The following GRIA2 variants were observed in gnomAD, a reference collection of about 807,000 sequenced individuals.
GRIA2 encodes the protein glutamate receptor 2.
Under a neutral mutation model 97.3 loss-of-function variants are expected in GRIA2, and 14 were observed. The ratio of observed to expected loss-of-function variants is 0.14; its 90% confidence interval spans 0.10 to 0.23. GRIA2 has a LOEUF of 0.23. Among genes scored for constraint, GRIA2 ranks in the 10% least tolerant of loss-of-function variants. GRIA2 has a pLI of 1.00. For missense variants in GRIA2, 558 were observed against 1,069.8 expected, an observed-to-expected ratio of 0.52 and a Z score of 6.67; for synonymous variants, 412 against 387.8, an observed-to-expected ratio of 1.06 and a Z score of -0.73.
intron 2 of GRIA2, among the ~76,000 whole-genome samples, chr4:157,267,814 T>G (rs1423917725): frequency 6.6e-6 from 1 of 152,104 alleles, no homozygotes; most frequent in Non-Finnish European, 1.5e-5. Flanking sequence ...GTTTCTGGAT[T>G]TCTTTGAAAT....
At chr4:157,332,007 C>T (rs1735069865) in intron 6 of GRIA2, among the ~76,000 whole-genome samples, 1 of 152,024 alleles carries the variant, frequency 6.6e-6, no homozygotes, top group Admixed American at 6.6e-5. Context: ...CAGAAATTTT[C>T]TCAACGTTCA....
intron 12 of GRIA2, among the ~76,000 whole-genome samples, chr4:157,354,802 T>A (rs1736174901): frequency 6.6e-6 from 1 of 152,150 alleles, no homozygotes; most frequent in African/African-American, 2.4e-5. Flanking sequence ...TATAGGATCT[T>A]TCTATAGGGA....
At chr4:157,355,839 A>G (rs1736267594) in intron 12 of GRIA2, among the ~76,000 whole-genome samples, 1 of 67,344 alleles carries the variant, frequency 1.5e-5, no homozygotes, top group South Asian at 8.0e-4. Flanking sequence ...ATATATTTTT[A>G]TATATTTATT....
chr4:157,233,111 C>G (rs1441741274), intron 2 of GRIA2, among the ~76,000 whole-genome samples: 1 of 152,184 alleles, frequency 6.6e-6, no homozygotes, highest in Non-Finnish European at 1.5e-5. Context: ...GCAGTTCTAA[C>G]TTTCTTGCTG....
At chr4:157,360,228 T>C (rs1415193337) in intron 13 of GRIA2, 85 bp downstream of exon 13, 11 of 1,381,238 alleles carry the variant, frequency 8.0e-6, no homozygotes, top group Non-Finnish European at 1.1e-5. Context: ...TCTTACGGTT[T>C]GTATACGGAT....
At chr4:157,338,817 A>G (rs1402577649) in intron 11 of GRIA2, among the ~76,000 whole-genome samples, 2 of 152,054 alleles carry the variant, frequency 1.3e-5, no homozygotes, top group African/African-American at 4.8e-5. Flanking sequence ...TACATTGGAA[A>G]AGTTAATGAT....
intron 2 of GRIA2, among the ~76,000 whole-genome samples, chr4:157,285,887 A>G (rs1732820137): frequency 6.6e-6 from 1 of 151,642 alleles, no homozygotes; most frequent in African/African-American, 2.4e-5. Context: ...GAGCATGTCT[A>G]CATTTATATT....
At chr4:157,245,848 C>T (rs979160255) in intron 2 of GRIA2, among the ~76,000 whole-genome samples, 1 of 152,082 alleles carries the variant, frequency 6.6e-6, no homozygotes, top group Non-Finnish European at 1.5e-5. Flanking sequence ...GTCTATGCTT[C>T]GTCAGCATGG....
At chr4:157,223,975 GAAATA>G (rs1313614010) in intron 2 of GRIA2, among the ~76,000 whole-genome samples, 1 of 152,174 alleles carries the variant, frequency 6.6e-6, no homozygotes, top group East Asian at 1.9e-4. Context: ...AAATTTTTCT[GAAATA>G]AAATATATAG....
chr4:157,282,293 G>T (rs1732641830), intron 2 of GRIA2, among the ~76,000 whole-genome samples: 1 of 152,086 alleles, frequency 6.6e-6, no homozygotes. Context: ...GTATTGGGAG[G>T]TGTGATTTAT....
intron 2 of GRIA2, among the ~76,000 whole-genome samples, chr4:157,241,035 G>T (rs1417235680): frequency 6.6e-6 from 1 of 152,082 alleles, no homozygotes; most frequent in South Asian, 2.1e-4. Context: ...CAAAGGACAT[G>T]AACTCATCAT....
chr4:157,228,902 C>A (rs1319702745), intron 2 of GRIA2, among the ~76,000 whole-genome samples: 1 of 149,298 alleles, frequency 6.7e-6, no homozygotes, highest in East Asian at 2.0e-4. Flanking sequence ...CAGGAGATGC[C>A]CTTATAAGGC....
intron 2 of GRIA2, among the ~76,000 whole-genome samples, chr4:157,260,283 C>A (rs1731469254): frequency 6.6e-6 from 1 of 152,036 alleles, no homozygotes; most frequent in African/African-American, 2.4e-5. Context: ...TTCTTGAATT[C>A]ATACTGTTAA....
intron 2 of GRIA2, among the ~76,000 whole-genome samples, chr4:157,227,075 A>G (rs1473558444): frequency 6.6e-6 from 1 of 152,192 alleles, no homozygotes; most frequent in Non-Finnish European, 1.5e-5. Context: ...CTATTTTGAG[A>G]TGAGAGAAAC....
At chr4:157,306,417 A>C (rs1162049408) in intron 3 of GRIA2, among the ~76,000 whole-genome samples, 1 of 152,196 alleles carries the variant, frequency 6.6e-6, no homozygotes, top group Non-Finnish European at 1.5e-5. Flanking sequence ...ATGAAATTGA[A>C]GTGATGAGAT....
intron 2 of GRIA2, among the ~76,000 whole-genome samples, chr4:157,254,749 TA>T (rs973120572): frequency 9.2e-5 from 14 of 152,086 alleles, no homozygotes; most frequent in Non-Finnish European, 1.9e-4. Context: ...TTACTTCTAC[TA>T]ATTTGTTCTT....
intron 12 of GRIA2, among the ~76,000 whole-genome samples, chr4:157,353,725 T>C (rs780406985): frequency 2.2e-4 from 33 of 152,094 alleles, no homozygotes; most frequent in Non-Finnish European, 3.8e-4. Flanking sequence ...AAAAACCTTA[T>C]AGTTATAATT....
At chr4:157,305,082 G>T (rs1733783332) in intron 3 of GRIA2, among the ~76,000 whole-genome samples, 1 of 152,122 alleles carries the variant, frequency 6.6e-6, no homozygotes, top group Admixed American at 6.6e-5. Flanking sequence ...ATTTCAATGT[G>T]CTGGATGTTT....
At chr4:157,309,349 G>GTTTTT (rs747461041) in intron 3 of GRIA2, among the ~76,000 whole-genome samples, 2 of 130,702 alleles carry the variant, frequency 1.5e-5, no homozygotes, top group African/African-American at 2.9e-5. Flanking sequence ...AAATTTCTTG[G>GTTTTT]TTTTTTTTTT....
Sources: allele counts gnomAD v4.1 joint callset (sites outside exome capture counted in the v4.1 genomes callset), GRCh38; gene constraint gnomAD v4.1.1; transcripts MANE v1.5; gene names NCBI Gene and HGNC (gene_info 2026-07-23, HGNC 2026-07-21).